CRY1: variants seen among roughly 807,000 people sequenced by gnomAD.
CRY1 encodes the protein cryptochrome-1.
In CRY1, 45 loss-of-function variants were observed where a neutral mutation model predicts 76.0. The ratio of observed to expected loss-of-function variants is 0.59; its 90% CI spans 0.47 to 0.76. CRY1 has a LOEUF of 0.76. Among genes scored for constraint, CRY1 ranks in the 30% least tolerant of loss-of-function variants. The pLI is 0.00. For synonymous variants in CRY1, 248 were observed against 244.0 expected (o/e 1.02, Z -0.15); for missense variants, 587 against 716.4 (o/e 0.82, Z 2.06).
intron 1 of CRY1, among the ~76,000 whole-genome samples, chr12:107,073,799 A>G (rs1953219747): frequency 6.6e-6 from 1 of 152,076 alleles, no homozygotes; most frequent in East Asian, 1.9e-4. Flanking sequence ...ATTCTCACCC[A>G]TTACCCTAAT....
At chr12:107,021,424 CAAGT>C (rs1472364213) in intron 2 of CRY1, among the ~76,000 whole-genome samples, 1 of 152,088 alleles carries the variant, frequency 6.6e-6, no homozygotes, top group African/African-American at 2.4e-5. Flanking sequence ...TAAATGTGGA[CAAGT>C]AAGTTCACTG....
Position 106,997,597 on chromosome 12 carries a change from C to T in CRY1, c.1383G>A (p.Leu461=). ...PEGIQKVAKC[L]IGVNYPKPMV... is the part of the protein sequence containing the mutation. ...TTGGTTTAGGATAATTAACTCCTAT[C>T]AAACATTTGGCTACCTTTTGGATAC... The change falls in exon 9 of 13, where the codon TTG becomes TTA. Residue 461 remains leucine, a synonymous_variant. Coordinates refer to ENST00000008527, the MANE Select transcript of CRY1 (RefSeq NM_004075.5). 6.2e-7 allele frequency: 1 copy of T among 1,614,106 alleles called. No individual in the cohort carries two copies. Among genetic ancestry groups the T allele is most frequent in the Non-Finnish European group, 8.5e-7 (1 of 1,179,996 alleles).
intron 1 of CRY1, among the ~76,000 whole-genome samples, chr12:107,026,448 G>A (rs1318083918): frequency 6.6e-6 from 1 of 151,832 alleles, no homozygotes; most frequent in Admixed American, 6.6e-5. Context: ...TGGCCAGGCT[G>A]GTCTTGAACT....
Position 107,001,737 on chromosome 12 carries a change from C to T in CRY1, c.595+27G>A, listed in dbSNP as rs372738172. 20 of 1,496,518 alleles carry T rather than the reference C, an allele frequency of 1.3e-5. No homozygotes were observed. In the African/African-American group the frequency reaches 2.9e-4, roughly 22 times the overall value. 92.7% of individuals were successfully genotyped at this position (1,496,518 alleles called of 1,614,324 possible). ...ATTTATGATTTATTAACTTGCAAGC[C>T]TCACACTGACTACAGTTTACACTCA... On this transcript the variant is annotated intron_variant, in intron 4 of 12. Transcript: ENST00000008527.
At position 107,093,062 on chromosome 12, in the gene CRY1, G is replaced by T. The variant is rs1434682731; in HGVS notation, c.-101C>A. On this transcript the variant is annotated 5_prime_UTR_variant, in exon 1 of 13. Coordinates refer to ENST00000008527, the MANE Select transcript of CRY1 (RefSeq NM_004075.5). ...CCAAGAGAATTGCCTCACCCGGGGC[G>T]TGAGGAAAGGGCGGCAGAGGGGGAA... The T allele has an allele frequency of 1.5e-6, 2 of 1,342,424 alleles. No individual in the cohort carries two copies. The highest frequency in any genetic ancestry group is 2.0e-6 in the Non-Finnish European group (2 of 1,021,558). The allele number at this position is 1,342,424 out of a possible 1,614,324, so 83.2% of individuals were successfully genotyped here.
At chr12:107,076,000 G>A (rs1953247590) in intron 1 of CRY1, among the ~76,000 whole-genome samples, 1 of 151,994 alleles carries the variant, frequency 6.6e-6, no homozygotes, top group Non-Finnish European at 1.5e-5. Context: ...TAGAGGAGAT[G>A]GAGACAAAAT....
intron 1 of CRY1, among the ~76,000 whole-genome samples, chr12:107,091,424 C>T (rs1405204234): frequency 6.6e-6 from 1 of 152,128 alleles, no homozygotes; most frequent in African/African-American, 2.4e-5. Context: ...TTATTTCTCA[C>T]CACGTCCACG....
At chr12:107,091,247 C>G (rs1403143744) in intron 1 of CRY1, among the ~76,000 whole-genome samples, 1 of 152,048 alleles carries the variant, frequency 6.6e-6, no homozygotes, top group Non-Finnish European at 1.5e-5. Flanking sequence ...GGTTTTGCCA[C>G]GATGGCCAGG....
At chr12:107,052,253 A>G (rs1952931989) in intron 1 of CRY1, among the ~76,000 whole-genome samples, 1 of 152,172 alleles carries the variant, frequency 6.6e-6, no homozygotes, top group African/African-American at 2.4e-5. Flanking sequence ...GCCTTTTACT[A>G]TAGAGAATTC....
intron 1 of CRY1, among the ~76,000 whole-genome samples, chr12:107,026,131 T>TA (rs1183216609): frequency 4.1e-5 from 1 of 24,558 alleles, no homozygotes; most frequent in East Asian, 0.016. Flanking sequence ...TTATATATAA[T>TA]TACATATATA....
At chr12:107,057,211 C>T (rs1952994427) in intron 1 of CRY1, among the ~76,000 whole-genome samples, 1 of 151,482 alleles carries the variant, frequency 6.6e-6, no homozygotes, top group South Asian at 2.1e-4. Flanking sequence ...CTTAGTCATA[C>T]TTTTGTTAAC....
intron 1 of CRY1, among the ~76,000 whole-genome samples, chr12:107,044,173 AGCTGCTCTG>A (rs1025166172): frequency 1.3e-4 from 20 of 152,288 alleles, no homozygotes; most frequent in African/African-American, 4.6e-4. Flanking sequence ...TCTGCCCCAC[AGCTGCTCTG>A]GACATCTGCA....
chr12:107,088,915 C>G (rs548714564), intron 1 of CRY1, among the ~76,000 whole-genome samples: 1 of 152,218 alleles, frequency 6.6e-6, no homozygotes. Context: ...CTAGCTTCCC[C>G]AGTCCTAAGG....
intron 2 of CRY1, among the ~76,000 whole-genome samples, chr12:107,012,628 G>A (rs1331234275): frequency 6.6e-6 from 1 of 152,148 alleles, no homozygotes; most frequent in Non-Finnish European, 1.5e-5. Context: ...GTTTTATTAA[G>A]AAACACATTT....
chr12:107,032,104 T>C (rs183982677), intron 1 of CRY1, among the ~76,000 whole-genome samples: 2 of 150,624 alleles, frequency 1.3e-5, no homozygotes, highest in African/African-American at 4.9e-5. Context: ...CCGGCTAATT[T>C]TGTATTTTTA....
chr12:107,008,582 C>T (rs898620929), intron 2 of CRY1, among the ~76,000 whole-genome samples: 2 of 152,132 alleles, frequency 1.3e-5, no homozygotes, highest in Non-Finnish European at 2.9e-5. Flanking sequence ...TTGTTTTTTC[C>T]TATCTTGGGT....
At chr12:107,055,334 C>G (rs1952970689) in intron 1 of CRY1, among the ~76,000 whole-genome samples, 1 of 151,594 alleles carries the variant, frequency 6.6e-6, no homozygotes, top group African/African-American at 2.4e-5. Flanking sequence ...AAAATCATAA[C>G]AAAATTTAGA....
At chr12:107,061,032 A>T (rs1953040234) in intron 1 of CRY1, among the ~76,000 whole-genome samples, 1 of 152,108 alleles carries the variant, frequency 6.6e-6, no homozygotes. Context: ...GATTCCCAAA[A>T]AGCTGGAAGT....
At chr12:107,005,274 G>A (rs371140093) in intron 2 of CRY1, 26 bp from the exon 3 acceptor site, 1 of 1,572,972 alleles carries the variant, frequency 6.4e-7, no homozygotes, top group African/African-American at 1.4e-5. Flanking sequence ...GGGGAACAAT[G>A]TACACCAATT....
Sources: gnomAD v4.1 joint callset for allele counts (sites outside exome capture counted in the v4.1 genomes callset) on GRCh38, gnomAD v4.1.1 for gene constraint, MANE v1.5 for transcripts, NCBI Gene and HGNC (gene_info 2026-07-23, HGNC 2026-07-21) for gene names.